ANKS1B: variants seen among roughly 807,000 people sequenced by gnomAD.
ANKS1B encodes the protein ankyrin repeat and sterile alpha motif domain containing 1B, also known as ankyrin repeat and sterile alpha motif domain-containing protein 1B.
In ANKS1B, 36 loss-of-function variants were observed where a neutral mutation model predicts 148.3. The observed-to-expected ratio is 0.24, with a 90% CI of 0.19 to 0.32. ANKS1B has a LOEUF of 0.32. Among genes scored for constraint, ANKS1B ranks in the 10% least tolerant of loss-of-function variants. The probability of loss-of-function intolerance (pLI) is 1.00; values close to 1 mark genes in which losing one functional copy is unlikely to be tolerated. For missense variants in ANKS1B, 1,157 were observed against 1,542.6 expected, an observed-to-expected ratio of 0.75 and a Z score of 4.19; for synonymous variants, 542 against 560.8, an observed-to-expected ratio of 0.97 and a Z score of 0.47.
chr12:99,696,116 TAAA>T (rs1439352138), intron 8 of ANKS1B, among the ~76,000 whole-genome samples: 1 of 152,044 alleles, frequency 6.6e-6, no homozygotes, highest in African/African-American at 2.4e-5. Context: ...AAAAATAAAT[TAAA>T]AAGAGAAATT....
At chr12:98,757,269 C>T (rs955346053) in intron 25 of ANKS1B, among the ~76,000 whole-genome samples, 1 of 152,150 alleles carries the variant, frequency 6.6e-6, no homozygotes, top group African/African-American at 2.4e-5. Flanking sequence ...GTCGGGCTGC[C>T]CCAGCATCTC....
At chr12:99,525,998 A>G (rs1396182097) in intron 9 of ANKS1B, among the ~76,000 whole-genome samples, 2 of 152,090 alleles carry the variant, frequency 1.3e-5, no homozygotes, top group Non-Finnish European at 2.9e-5. Context: ...AACCTAAGAG[A>G]AAAAAATGAG....
chr12:99,463,059 C>A (rs972719099), intron 10 of ANKS1B, among the ~76,000 whole-genome samples: 20 of 152,128 alleles, frequency 1.3e-4, no homozygotes, highest in Non-Finnish European at 5.9e-5. Context: ...TACAGCAATA[C>A]AAAATGGAAT....
intron 17 of ANKS1B, among the ~76,000 whole-genome samples, chr12:99,038,569 C>A (rs2099956956): frequency 2.6e-5 from 4 of 152,172 alleles, no homozygotes; most frequent in Admixed American, 2.6e-4. Flanking sequence ...TCCTGTTTAA[C>A]ACCCCTCTGA....
chr12:99,343,206 C>T (rs1289055791), intron 12 of ANKS1B, among the ~76,000 whole-genome samples: 1 of 151,974 alleles, frequency 6.6e-6, no homozygotes, highest in East Asian at 1.9e-4. Flanking sequence ...CATTGAAACA[C>T]ATTTAGTGAT....
intron 15 of ANKS1B, among the ~76,000 whole-genome samples, chr12:99,130,800 A>G (rs1275279966): frequency 6.6e-6 from 1 of 152,142 alleles, no homozygotes; most frequent in East Asian, 1.9e-4. Flanking sequence ...AACTCCAGTA[A>G]CACCACTTTG....
At chr12:99,620,447 A>T (rs1567495063) in intron 9 of ANKS1B, among the ~76,000 whole-genome samples, 1 of 152,180 alleles carries the variant, frequency 6.6e-6, no homozygotes, top group African/African-American at 2.4e-5. Context: ...AGCTCAACAA[A>T]ATCCAAAACA....
intron 17 of ANKS1B, among the ~76,000 whole-genome samples, chr12:98,884,415 G>C (rs2099730634): frequency 6.6e-6 from 1 of 152,162 alleles, no homozygotes; most frequent in Non-Finnish European, 1.5e-5. Flanking sequence ...TGTACTTCTT[G>C]ATCTTGATTA....
chr12:99,093,239 C>T (rs1201323144), intron 15 of ANKS1B: 1 of 152,236 alleles, frequency 6.6e-6, no homozygotes, highest in African/African-American at 2.4e-5. Context: ...GAAAGGTCAA[C>T]TGGTTAGTTC....
At chr12:99,387,141 G>T (rs1475931194) in intron 12 of ANKS1B, among the ~76,000 whole-genome samples, 1 of 150,920 alleles carries the variant, frequency 6.6e-6, no homozygotes, top group East Asian at 2.0e-4. Context: ...ATGGATGCAA[G>T]AATTGGTGGG....
intron 10 of ANKS1B, among the ~76,000 whole-genome samples, chr12:99,466,439 A>G (rs1191286284): frequency 1.3e-5 from 2 of 152,020 alleles, no homozygotes; most frequent in Non-Finnish European, 2.9e-5. Flanking sequence ...AACTAAAATC[A>G]GAGCAGAACT....
intron 9 of ANKS1B, among the ~76,000 whole-genome samples, chr12:99,525,550 T>C (rs937970811): frequency 6.6e-6 from 1 of 152,180 alleles, no homozygotes; most frequent in Non-Finnish European, 1.5e-5. Flanking sequence ...AAGAAGGTTC[T>C]GATGCTTGCA....
intron 17 of ANKS1B, among the ~76,000 whole-genome samples, chr12:98,960,993 T>C (rs2099870384): frequency 6.6e-6 from 1 of 151,910 alleles, no homozygotes; most frequent in South Asian, 2.1e-4. Context: ...TGAATAAGAA[T>C]GAAGGATGCC....
chr12:99,709,243 T>C (rs969644622), intron 8 of ANKS1B, among the ~76,000 whole-genome samples: 7 of 152,148 alleles, frequency 4.6e-5, no homozygotes, highest in South Asian at 2.1e-4. Flanking sequence ...ATTCTAATGA[T>C]ACCTGCATGC....
chr12:98,902,271 C>G (rs2099773163), intron 17 of ANKS1B, among the ~76,000 whole-genome samples: 1 of 152,232 alleles, frequency 6.6e-6, no homozygotes, highest in Non-Finnish European at 1.5e-5. Context: ...TTGCTTAGAA[C>G]TGGCCCCTGA....
chr12:99,734,117 G>A (rs908062467), intron 8 of ANKS1B, among the ~76,000 whole-genome samples: 2 of 152,196 alleles, frequency 1.3e-5, no homozygotes, highest in South Asian at 2.1e-4. Flanking sequence ...TATTCCATGA[G>A]GCATTACATT....
intron 10 of ANKS1B, among the ~76,000 whole-genome samples, chr12:99,457,915 A>G (rs567008829): frequency 6.6e-6 from 1 of 152,092 alleles, no homozygotes; most frequent in Non-Finnish European, 1.5e-5. Context: ...AATGGACTAA[A>G]CGGATATTTA....
intron 15 of ANKS1B, among the ~76,000 whole-genome samples, chr12:99,116,572 T>C (rs17367012): frequency 0.022 from 3,324 of 152,272 alleles, 57 homozygotes; most frequent in Non-Finnish European, 0.033. Context: ...TTAGGACCTG[T>C]CTTTTTCGTT....
chr12:99,559,231 T>C (rs939859392), intron 9 of ANKS1B, among the ~76,000 whole-genome samples: 3 of 152,176 alleles, frequency 2.0e-5, no homozygotes, highest in African/African-American at 7.2e-5. Context: ...TTGGCCATTT[T>C]GGCTCAGATC....
Sources: gnomAD v4.1 joint callset for allele counts (sites outside exome capture counted in the v4.1 genomes callset) on GRCh38, gnomAD v4.1.1 for gene constraint, MANE v1.5 for transcripts, NCBI Gene and HGNC (gene_info 2026-07-23, HGNC 2026-07-21) for gene names.